The following SLC35F1 variants were observed in gnomAD, a reference collection of about 807,000 sequenced individuals.
The protein encoded by SLC35F1 is solute carrier family 35 member F1.
Under a neutral mutation model 48.7 loss-of-function variants are expected in SLC35F1, and 14 were observed. The observed-to-expected ratio is 0.29, with a 90% CI of 0.19 to 0.45. The LOEUF (loss-of-function observed/expected upper bound fraction) is 0.45, where lower values mean the gene tolerates loss of function less well. SLC35F1 is among the 20% of genes least tolerant of loss of function. The pLI is 1.00. For synonymous variants in SLC35F1, 190 were observed against 202.2 expected, an observed-to-expected ratio of 0.94 and a Z score of 0.51; for missense variants, 404 against 500.0, an observed-to-expected ratio of 0.81 and a Z score of 1.83.
intron 1 of SLC35F1, among the ~76,000 whole-genome samples, chr6:118,140,130 T>A (rs572592322): frequency 6.6e-6 from 1 of 152,218 alleles, no homozygotes; most frequent in African/African-American, 2.4e-5. Context: ...GGAAACATTA[T>A]AGCAGCCTTT....
chr6:118,284,030 T>C (rs1027675204), intron 6 of SLC35F1, among the ~76,000 whole-genome samples: 4 of 152,222 alleles, frequency 2.6e-5, no homozygotes, highest in African/African-American at 9.6e-5. Context: ...AGAATAATTT[T>C]TTTGTAGATC....
intron 1 of SLC35F1, among the ~76,000 whole-genome samples, chr6:118,100,577 A>C (rs965466983): frequency 1.3e-5 from 2 of 152,204 alleles, no homozygotes; most frequent in Non-Finnish European, 1.5e-5. Context: ...ACATTGGCAA[A>C]GTCTAGGGGG....
At chr6:118,160,468 T>C (rs1774213977) in intron 2 of SLC35F1, among the ~76,000 whole-genome samples, 1 of 152,368 alleles carries the variant, frequency 6.6e-6, no homozygotes, top group Non-Finnish European at 1.5e-5. Flanking sequence ...AAGTCTCTAA[T>C]AGTGCTAATA....
At chr6:118,080,891 C>T (rs1467669520) in intron 1 of SLC35F1, among the ~76,000 whole-genome samples, 1 of 152,150 alleles carries the variant, frequency 6.6e-6, no homozygotes, top group African/African-American at 2.4e-5. Context: ...AAGAAATCAG[C>T]AGCCTACTTT....
rs148616755 is a variant in SLC35F1 at position 118,074,731 on chromosome 6, C to T, written c.174-79714C>T. On this transcript the variant is annotated intron_variant, in intron 1 of 7. Transcript: ENST00000360388. ...GTGGCATGATCACAACTCACGGCAG[C>T]GTTGACCTCCTGGGCTCAAGTGACC... Among the ~76,000 whole-genome samples the T allele has an allele frequency of 3.3e-3, 499 of 152,282 alleles. 2 individuals are homozygous for T. The highest frequency in any genetic ancestry group is 0.012 in the African/African-American group (484 of 41,558).
intron 1 of SLC35F1, among the ~76,000 whole-genome samples, chr6:118,061,176 C>T (rs1772531320): frequency 1.3e-5 from 2 of 152,206 alleles, no homozygotes; most frequent in Non-Finnish European, 1.5e-5. Context: ...GGAGAATGGA[C>T]CATCCATTCC....
At chr6:118,241,300 G>A (rs896059120) in intron 3 of SLC35F1, among the ~76,000 whole-genome samples, 9 of 152,142 alleles carry the variant, frequency 5.9e-5, no homozygotes, top group Non-Finnish European at 1.2e-4. Context: ...AAACAAAAAG[G>A]CATAAAGAGT....
intron 1 of SLC35F1, among the ~76,000 whole-genome samples, chr6:118,123,369 A>G (rs1773579801): frequency 6.6e-6 from 1 of 152,138 alleles, no homozygotes; most frequent in African/African-American, 2.4e-5. Context: ...TGATCATCCA[A>G]GGTAATACAT....
rs573170141 is a variant in SLC35F1, at chr6:117,913,264, T to C, written c.173+5365T>C. 1.8e-3 allele frequency among the ~76,000 whole-genome samples: 277 copies of C among 152,298 alleles called. 1 individual carries two copies. The highest frequency in any genetic ancestry group is 6.3e-3 in the African/African-American group (260 of 41,568). ...GATGTATGGAAAAAACCTATGAATT[T>C]TGGGCATGTTTCTTAATGGTAACAT... On this transcript the variant is annotated intron_variant, in intron 1 of 7. Coordinates refer to ENST00000360388, the MANE Select transcript of SLC35F1 (RefSeq NM_001029858.4).
intron 6 of SLC35F1, among the ~76,000 whole-genome samples, chr6:118,283,220 C>T (rs1028129306): frequency 2.0e-5 from 3 of 152,190 alleles, no homozygotes; most frequent in Admixed American, 2.0e-4. Context: ...GTTTCCTTGG[C>T]TCCTCTCCTG....
At chr6:118,269,910 T>G (rs1020499989) in intron 4 of SLC35F1, among the ~76,000 whole-genome samples, 2 of 152,118 alleles carry the variant, frequency 1.3e-5, no homozygotes, top group African/African-American at 4.8e-5. Flanking sequence ...GCACCTATAG[T>G]CCTGCCACTT....
intron 3 of SLC35F1, among the ~76,000 whole-genome samples, chr6:118,239,862 C>A (rs1470089074): frequency 3.9e-5 from 6 of 152,086 alleles, no homozygotes; most frequent in Non-Finnish European, 8.8e-5. Context: ...AGTTCTAGAA[C>A]CATTTTTCCA....
intron 1 of SLC35F1, among the ~76,000 whole-genome samples, chr6:117,984,649 T>C (rs1582600549): frequency 6.6e-6 from 1 of 151,984 alleles, no homozygotes; most frequent in Non-Finnish European, 1.5e-5. Context: ...AACAGCAGAG[T>C]TGGGTAGTTG....
intron 1 of SLC35F1, among the ~76,000 whole-genome samples, chr6:118,111,960 T>C (rs905038272): frequency 5.3e-5 from 8 of 152,162 alleles, no homozygotes; most frequent in African/African-American, 1.7e-4. Flanking sequence ...AGCCTCTAGA[T>C]GTTTATGGCT....
At chr6:118,177,045 G>C (rs1361973398) in intron 2 of SLC35F1, among the ~76,000 whole-genome samples, 1 of 152,038 alleles carries the variant, frequency 6.6e-6, no homozygotes, top group Non-Finnish European at 1.5e-5. Context: ...TACCTGACCA[G>C]AAGTTTTTCC....
intron 1 of SLC35F1, among the ~76,000 whole-genome samples, chr6:118,081,511 T>C (rs1166997001): frequency 6.6e-6 from 1 of 151,960 alleles, no homozygotes; most frequent in Admixed American, 6.6e-5. Flanking sequence ...GGCATGCACC[T>C]GTAGTCCCAG....
chr6:118,220,952 G>T (rs542798075), intron 2 of SLC35F1, among the ~76,000 whole-genome samples: 14 of 152,238 alleles, frequency 9.2e-5, no homozygotes, highest in African/African-American at 2.6e-4. Context: ...TGATATCTGT[G>T]CTTCCCAACA....
chr6:118,109,935 A>G (rs1484844295), intron 1 of SLC35F1, among the ~76,000 whole-genome samples: 1 of 152,190 alleles, frequency 6.6e-6, no homozygotes, highest in East Asian at 1.9e-4. Context: ...GAGGGACTAT[A>G]TTAGTTATTG....
At chr6:118,047,291 C>A (rs4945609) in intron 1 of SLC35F1, among the ~76,000 whole-genome samples, 151,447 of 152,264 alleles carry the variant, frequency 0.99, 75,324 homozygotes, top group Middle Eastern at 1. Flanking sequence ...AATTTATAAC[C>A]TCCTTTCCAA....
Sources: gnomAD v4.1 joint callset for allele counts (sites outside exome capture counted in the v4.1 genomes callset) on GRCh38, gnomAD v4.1.1 for gene constraint, MANE v1.5 for transcripts, NCBI Gene and HGNC (gene_info 2026-07-23, HGNC 2026-07-21) for gene names.